Variants in CCT2 observed in about 807,000 individuals in gnomAD.
CCT2 encodes chaperonin containing TCP1 subunit 2, also known as T-complex protein 1 subunit beta.
CCT2 carries 18 observed loss-of-function variants against 61.8 expected under a neutral mutation model. The observed-to-expected ratio is 0.29, with a 90% CI of 0.20 to 0.43. The LOEUF is 0.43. Among genes scored for constraint, CCT2 ranks in the 20% least tolerant of loss-of-function variants. The pLI is 1.00. For missense variants in CCT2, 556 were observed against 656.9 expected (o/e 0.85, Z 1.68); for synonymous variants, 248 against 215.9 (o/e 1.15, Z -1.30).
intron 10 of CCT2, among the ~76,000 whole-genome samples, chr12:69,596,542 T>G (rs1469954095): frequency 2.0e-5 from 3 of 152,340 alleles, no homozygotes; most frequent in Non-Finnish European, 2.9e-5. Flanking sequence ...TAATTTGTTC[T>G]TATTAAATTT....
At chr12:69,596,154 C>T (rs990263686) in intron 10 of CCT2, among the ~76,000 whole-genome samples, 31 of 152,288 alleles carry the variant, frequency 2.0e-4, no homozygotes, top group African/African-American at 4.8e-4. Flanking sequence ...TTGGATATGA[C>T]GTCCCAAATA....
intron 7 of CCT2, among the ~76,000 whole-genome samples, chr12:69,591,238 C>G: frequency 6.6e-6 from 1 of 152,242 alleles, no homozygotes; most frequent in South Asian, 2.1e-4. Context: ...GGAAAAGTTT[C>G]TAATGTAACC....
chr12:69,593,858 C>T (rs531007264), intron 10 of CCT2, among the ~76,000 whole-genome samples: 1 of 152,046 alleles, frequency 6.6e-6, no homozygotes, highest in East Asian at 1.9e-4. Context: ...AGATTTTTGG[C>T]CAGGTGCAGT....
At position 69,586,495 on chromosome 12, in the gene CCT2, C is replaced by A. The variant is rs1394215289; in HGVS notation, c.78+151C>A. ...CCAGCCTGGCCAACATGGTAAAACC[C>A]CGTTTCTACTAGAAATACAAAAATT... On this transcript the variant is annotated intron_variant, in intron 2 of 15. Transcript: ENST00000299300. The A allele has an allele frequency of 4.6e-6, 3 of 656,034 alleles. No homozygotes were observed. In the East Asian group the frequency reaches 7.9e-5, roughly 17 times the overall value. The allele number at this position is 656,034 out of a possible 1,614,324, so 40.6% of individuals were successfully genotyped here.
chr12:69,587,519 AAGC>A lies in CCT2; in HGVS notation c.162_164del (p.Ser55del), dbSNP rs763244265. ...GTTCCCTTTAGGACAAAATTCTTCT[AAGC>A]AGTGGACGAGATGCCTCTCTTATGG... On this transcript the variant is annotated inframe_deletion, in exon 4 of 16. Coordinates refer to ENST00000299300, the MANE Select transcript of CCT2 (RefSeq NM_006431.3). 6 of 1,608,874 alleles carry A rather than the reference AAGC, an allele frequency of 3.7e-6. No homozygotes were observed. In the South Asian group the frequency reaches 6.6e-5, roughly 18 times the overall value.
intron 4 of CCT2, 107 bp downstream of exon 4, chr12:69,587,723 T>A: frequency 1.3e-6 from 1 of 758,034 alleles, no homozygotes; most frequent in Non-Finnish European, 2.2e-6. Flanking sequence ...TCAATTGATG[T>A]CCACTAGTTG....
chr12:69,588,247 C>G lies in CCT2; in HGVS notation c.431C>G (p.Ser144Cys). The change falls in exon 6 of 16, where the codon TCT becomes TGT. Residue 144 changes from serine to cysteine, a missense_variant. Transcript: ENST00000299300. ...GCTGCAAGAGAGGCGCTGTTGAGTTCTGCAGTTGATCATGGGTTTGTATAG... is the reference window on the plus strand; with the variant it reads ...GCTGCAAGAGAGGCGCTGTTGAGTTGTGCAGTTGATCATGGGTTTGTATAG... The part of the protein sequence containing the change: ...TKAAREALLS[S>C]AVDHGSDEVK... 1 of 1,612,588 alleles carries G rather than the reference C, an allele frequency of 6.2e-7. No homozygotes were observed. The highest frequency in any genetic ancestry group is 8.5e-7 in the Non-Finnish European group (1 of 1,178,582).
chr12:69,590,369 A>G (rs577000614), intron 7 of CCT2, among the ~76,000 whole-genome samples: 40 of 152,288 alleles, frequency 2.6e-4, no homozygotes, highest in Middle Eastern at 6.8e-3. Flanking sequence ...AAATTTCTTT[A>G]ACAAATAATT....
rs1234390196 is a variant in CCT2 at position 69,586,276 on chromosome 12, C to T, written c.10C>T (p.Leu4Phe). The T allele has an allele frequency of 1.7e-5, 28 of 1,612,830 alleles. No homozygotes were observed. The highest frequency in any genetic ancestry group is 2.4e-5 in the Non-Finnish European group (28 of 1,178,924). Residue 4 changes from leucine to phenylalanine, a missense_variant, in exon 2 of 16, where the codon CTT (leucine) becomes TTT (phenylalanine). Coordinates refer to ENST00000299300, the MANE Select transcript of CCT2 (RefSeq NM_006431.3). The part of the protein sequence containing the change: MAS[L>F]SLAPVNIFKA... Reference sequence around the variant, plus strand: ...TCTTGGTTTTCCTTTTCAGGCGTCCCTTTCCCTTGCACCTGTTAACATCTT... The same window carrying T: ...TCTTGGTTTTCCTTTTCAGGCGTCCTTTTCCCTTGCACCTGTTAACATCTT...
At chr12:69,585,608 T>C (rs1881622271) in intron 1 of CCT2, 84 bp downstream of exon 1, 2 of 1,547,824 alleles carry the variant, frequency 1.3e-6, no homozygotes, top group East Asian at 4.9e-5. Flanking sequence ...CCTGCTAGGG[T>C]CGTAGGCTCC....
chr12:69,588,965 G>A (rs992341672), intron 6 of CCT2, among the ~76,000 whole-genome samples: 1 of 152,200 alleles, frequency 6.6e-6, no homozygotes, highest in African/African-American at 2.4e-5. Flanking sequence ...CGCTCTTAGA[G>A]TTGCCCAGAA....
In CCT2 at chr12:69,588,022, C is replaced by T; in HGVS notation, c.333+16C>T. ...ATTATTAAGGGTAAGAGCAACTAAG[C>T]AACTCTTTTTTCCTACTGTGTTTTT... On this transcript the variant is annotated intron_variant, in intron 5 of 15. Transcript: ENST00000299300. 6.2e-7 allele frequency: 1 copy of T among 1,605,626 alleles called. No individual in the cohort carries two copies. The highest frequency in any genetic ancestry group is 8.5e-7 in the Non-Finnish European group (1 of 1,172,370).
intron 4 of CCT2, 127 bp downstream of exon 4, chr12:69,587,743 G>T (rs750370364): frequency 2.7e-6 from 2 of 742,468 alleles, no homozygotes; most frequent in Admixed American, 2.4e-5. Context: ...GTTAATTATC[G>T]TTGTTAAAAT....
intron 3 of CCT2, 71 bp downstream of exon 3, chr12:69,586,889 G>A (rs536463027): frequency 5.5e-5 from 49 of 894,916 alleles, no homozygotes; most frequent in Admixed American, 1.5e-4. Flanking sequence ...AATAACAAGC[G>A]TATTAAAATG....
At chr12:69,587,838 AC>A (rs1173704598) in intron 4 of CCT2, 91 bp from the exon 5 acceptor site, 9 of 1,048,196 alleles carry the variant, frequency 8.6e-6, no homozygotes, top group Non-Finnish European at 1.2e-5. Flanking sequence ...TGAATGAGGA[AC>A]CCTGGTAAGT....
In CCT2 at chr12:69,597,224, G is replaced by A. The variant is rs1275711239; in HGVS notation, c.1051G>A (p.Glu351Lys). The A allele has an allele frequency of 6.2e-7, 1 of 1,613,990 alleles. No individual in the cohort carries two copies. The highest frequency in any genetic ancestry group is 8.5e-7 in the Non-Finnish European group (1 of 1,179,898). ...GCTTGGAAGTTGCAAACTTATCGAG[G>A]AAGTCATGATTGGAGAAGACAAACT... ...VKLGSCKLIEEVMIGEDKLIH... is the reference protein window; with the variant it reads ...VKLGSCKLIEKVMIGEDKLIH... Residue 351 changes from glutamate (E) to lysine (K), a missense_variant, in exon 11 of 16, where the codon GAA becomes AAA. Around this residue, in one of 3 missense-constraint regions of CCT2, gnomAD observed 225 missense variants for 249.8 expected, o/e 0.90. Coordinates refer to ENST00000299300, the MANE Select transcript of CCT2 (RefSeq NM_006431.3).
rs1882149152 is a variant in CCT2 at position 69,601,528 on chromosome 12, TC to T, written c.*204del. The T allele has an allele frequency of 2.8e-6, 4 of 1,410,050 alleles. No individual in the cohort carries two copies. In the South Asian group the frequency reaches 6.2e-5, roughly 22 times the overall value. 87.3% of individuals were successfully genotyped at this position (1,410,050 alleles called of 1,614,324 possible). On this transcript the variant is annotated 3_prime_UTR_variant, in exon 16 of 16. Coordinates refer to ENST00000299300, the MANE Select transcript of CCT2 (RefSeq NM_006431.3). ...TACAAATCAGTTGATTTAAAAAAGT[TC>T]ATTTCTCATACTGTGCATTAAAATA...
intron 1 of CCT2, chr12:69,585,837 A>G (rs1021470664): frequency 3.0e-6 from 4 of 1,317,110 alleles, no homozygotes; most frequent in Non-Finnish European, 3.9e-6. Flanking sequence ...CCCTCCTTCT[A>G]GGGGCGGAGC....
At position 69,598,571 on chromosome 12, in the gene CCT2, ATG is replaced by A. The variant is rs1410878564; in HGVS notation, c.1435+157_1435+158del. On this transcript the variant is annotated intron_variant, in intron 14 of 15. Coordinates refer to ENST00000299300, the MANE Select transcript of CCT2 (RefSeq NM_006431.3). ...CATAATCATTACATGTGCTGGGAAAATGTGTGTGACTTTATATGCTCAGCATT... is the reference window on the plus strand; with the variant it reads ...CATAATCATTACATGTGCTGGGAAAATGTGTGACTTTATATGCTCAGCATT... 9.0e-5 allele frequency: 41 copies of A among 456,352 alleles called. No homozygotes were observed. In the Admixed American group the frequency reaches 1.7e-3, roughly 19 times the overall value. 28.3% of individuals were successfully genotyped at this position (456,352 alleles called of 1,614,324 possible). A position where few individuals can be genotyped will look rare whatever the true frequency, so the allele number is the denominator to read the frequency against.
Sources: gnomAD v4.1 joint callset for allele counts (sites outside exome capture counted in the v4.1 genomes callset) on GRCh38, gnomAD v4.1.1 for gene constraint, gnomAD v4.1.1 regional missense constraint, MANE v1.5 for transcripts, NCBI Gene and HGNC (gene_info 2026-07-23, HGNC 2026-07-21) for gene names.